Variants in KHDRBS2 observed in about 807,000 individuals in gnomAD.
The protein encoded by KHDRBS2 is KH RNA binding domain containing, signal transduction associated 2.
KHDRBS2 carries 26 observed loss-of-function variants against 44.3 expected under a neutral mutation model. That is an observed-to-expected ratio of 0.59 (90% CI 0.43 to 0.81). KHDRBS2 has a LOEUF of 0.81. KHDRBS2 is among the 40% of genes least tolerant of loss of function. The pLI, the probability that KHDRBS2 is intolerant of heterozygous loss-of-function variation, is 0.00. For synonymous variants in KHDRBS2, 194 were observed against 151.1 expected (o/e 1.28, Z -2.08); for missense variants, 476 against 433.1 (o/e 1.10, Z -0.88).
chr6:61,607,141 A>G, the KHDRBS2 span, among the ~76,000 whole-genome samples: 1 of 152,100 alleles, frequency 6.6e-6, no homozygotes, highest in Admixed American at 6.5e-5. Flanking sequence ...TAATCATAAA[A>G]AAGGACAAAG....
At chr6:61,883,626 C>T (rs193251309) in intron 6 of KHDRBS2, among the ~76,000 whole-genome samples, 1 of 152,132 alleles carries the variant, frequency 6.6e-6, no homozygotes, top group East Asian at 1.9e-4. Flanking sequence ...AAGGTGACAT[C>T]TTACATAACT....
intron 8 of KHDRBS2, among the ~76,000 whole-genome samples, chr6:61,683,297 C>T (rs1766500287): frequency 6.6e-6 from 1 of 151,846 alleles, no homozygotes; most frequent in Non-Finnish European, 1.5e-5. Flanking sequence ...TTAATAACTA[C>T]TCATCAACTT....
In KHDRBS2 at chr6:62,016,478, G is replaced by GTA. The variant is rs902557305; in HGVS notation, c.336+31398_336+31399dup. ...GAAATAAGGAAACATATACACATAT[G>GTA]TATATATATATAGTGTGGATATACA... On this transcript the variant is annotated intron_variant, in intron 3 of 8. Transcript: ENST00000281156. Among the ~76,000 whole-genome samples the GTA allele has an allele frequency of 1.5e-4, 22 of 149,858 alleles. No homozygotes were observed. The East Asian group carries it at 1.6e-3, about 11-fold the overall frequency.
chr6:61,559,696 C>A, the KHDRBS2 span, among the ~76,000 whole-genome samples: 3 of 152,056 alleles, frequency 2.0e-5, no homozygotes, highest in Non-Finnish European at 4.4e-5. Context: ...AAATAGACAA[C>A]TTATAAAAAC....
At chr6:62,113,682 C>A (rs891883205) in intron 2 of KHDRBS2, among the ~76,000 whole-genome samples, 4 of 151,960 alleles carry the variant, frequency 2.6e-5, no homozygotes, top group African/African-American at 9.7e-5. Flanking sequence ...TGTAAAATAT[C>A]TTGAATATTT....
chr6:61,697,278 A>G, intron 7 of KHDRBS2, 25 bp from the exon 8 acceptor site: 1 of 1,462,218 alleles, frequency 6.8e-7, no homozygotes. Flanking sequence ...GATAGCAATC[A>G]ATGTTACTAT....
At chr6:61,699,018 CTTAT>C (rs1768249229) in intron 7 of KHDRBS2, among the ~76,000 whole-genome samples, 2 of 152,164 alleles carry the variant, frequency 1.3e-5, no homozygotes, top group South Asian at 2.1e-4. Flanking sequence ...CACCCATTTG[CTTAT>C]TTATTTATTG....
chr6:62,157,440 T>C (rs563664298), intron 2 of KHDRBS2, among the ~76,000 whole-genome samples: 2 of 152,330 alleles, frequency 1.3e-5, no homozygotes, highest in African/African-American at 4.8e-5. Flanking sequence ...CTAACTGAAA[T>C]GTAGAACATC....
At chr6:62,118,755 G>T (rs1806901389) in intron 2 of KHDRBS2, among the ~76,000 whole-genome samples, 1 of 152,146 alleles carries the variant, frequency 6.6e-6, no homozygotes, top group Non-Finnish European at 1.5e-5. Context: ...TATGCTGGAT[G>T]CTTCCTGTCA....
At chr6:61,740,480 C>A (rs953812670) in intron 6 of KHDRBS2, among the ~76,000 whole-genome samples, 9 of 151,752 alleles carry the variant, frequency 5.9e-5, no homozygotes, top group East Asian at 1.9e-4. Context: ...GGTAGAATGA[C>A]AAATTTAGAT....
chr6:61,977,804 T>C (rs1426978939), intron 4 of KHDRBS2, among the ~76,000 whole-genome samples: 1 of 152,180 alleles, frequency 6.6e-6, no homozygotes, highest in South Asian at 2.1e-4. Flanking sequence ...AACATGTCTT[T>C]TTCTTCATGA....
intron 4 of KHDRBS2, among the ~76,000 whole-genome samples, chr6:61,957,430 G>A (rs1767624494): frequency 6.6e-6 from 1 of 152,162 alleles, no homozygotes; most frequent in Non-Finnish European, 1.5e-5. Context: ...AAATATTGCT[G>A]AATTCTTTTT....
intron 4 of KHDRBS2, among the ~76,000 whole-genome samples, chr6:61,958,260 C>T (rs1484421215): frequency 1.3e-5 from 2 of 152,104 alleles, no homozygotes; most frequent in Non-Finnish European, 2.9e-5. Context: ...GGCTTCTTTG[C>T]AGTCCAGTTA....
intron 6 of KHDRBS2, among the ~76,000 whole-genome samples, chr6:61,886,946 G>A (rs6938258): frequency 0.41 from 61,947 of 151,818 alleles, 12,838 homozygotes; most frequent in Admixed American, 0.49. Context: ...ACTGGGAGAT[G>A]TCCTAAGTAT....
At chr6:61,581,814 T>C in the KHDRBS2 span, among the ~76,000 whole-genome samples, 1 of 151,342 alleles carries the variant, frequency 6.6e-6, no homozygotes, top group African/African-American at 2.4e-5. Context: ...GTTAAAGAGA[T>C]ATGCAGATAG....
chr6:62,153,364 T>C (rs1411414679), intron 2 of KHDRBS2, among the ~76,000 whole-genome samples: 1 of 152,104 alleles, frequency 6.6e-6, no homozygotes, highest in Non-Finnish European at 1.5e-5. Context: ...GAGTACAGAA[T>C]CAAATTCTTG....
At chr6:62,047,407 A>C (rs1787954343) in intron 3 of KHDRBS2, among the ~76,000 whole-genome samples, 1 of 151,976 alleles carries the variant, frequency 6.6e-6, no homozygotes, top group Non-Finnish European at 1.5e-5. Context: ...TCAAGAAATA[A>C]GCAGGATTCT....
rs143688461 is a variant in KHDRBS2, at chr6:62,243,572, T to C, written c.91+42286A>G. 2.4e-3 allele frequency among the ~76,000 whole-genome samples: 362 copies of C among 150,564 alleles called. 3 individuals carry two copies. The highest frequency in any genetic ancestry group is 8.2e-3 in the African/African-American group (333 of 40,700). On this transcript the variant is annotated intron_variant, in intron 1 of 8. Coordinates refer to ENST00000281156, the MANE Select transcript of KHDRBS2 (RefSeq NM_152688.4). ...AGTGTAAAGAAAAAGCACAGTATTC[T>C]GTAGACTCAAACATAATACATCATA...
rs145249116 is a variant in KHDRBS2 at position 61,750,034 on chromosome 6, T to C, written c.811-17270A>G. ...TCATAAAAATAATAATGAGGAGTTATTTTTAAGAATATAAAGGATCACTGT... is the reference window on the plus strand; with the variant it reads ...TCATAAAAATAATAATGAGGAGTTACTTTTAAGAATATAAAGGATCACTGT... On this transcript the variant is annotated intron_variant, in intron 6 of 8. Coordinates refer to ENST00000281156, the MANE Select transcript of KHDRBS2 (RefSeq NM_152688.4). 1.5e-3 allele frequency among the ~76,000 whole-genome samples: 229 copies of C among 152,290 alleles called. 1 individual carries two copies. The highest frequency in any genetic ancestry group is 1.7e-3 in the Non-Finnish European group (113 of 68,010).
Sources: allele counts gnomAD v4.1 joint callset (sites outside exome capture counted in the v4.1 genomes callset), GRCh38; gene constraint gnomAD v4.1.1; transcripts MANE v1.5; gene names NCBI Gene and HGNC (gene_info 2026-07-23, HGNC 2026-07-21).